Variants in COBL observed in about 807,000 individuals in gnomAD.
COBL encodes cordon-bleu WH2 repeat protein.
Under a neutral mutation model 98.8 loss-of-function variants are expected in COBL, and 51 were observed. That is an observed-to-expected ratio of 0.52 (90% CI 0.41 to 0.65). The LOEUF is 0.65. Ranked by LOEUF, COBL falls within the 30% of genes least tolerant of loss-of-function variation. COBL has a pLI of 0.00. For missense variants in COBL, 1,617 were observed against 1,617.5 expected (o/e 1.00, Z 0.01); for synonymous variants, 634 against 651.7 (o/e 0.97, Z 0.41).
At chr7:51,257,485 AAT>A (rs1429444572) in intron 1 of COBL, among the ~76,000 whole-genome samples, 1 of 152,196 alleles carries the variant, frequency 6.6e-6, no homozygotes, top group Non-Finnish European at 1.5e-5. Context: ...CGATTTTATA[AAT>A]CATGGAATTA....
At chr7:51,080,134 G>A (rs772640806) in intron 7 of COBL, among the ~76,000 whole-genome samples, 1 of 152,212 alleles carries the variant, frequency 6.6e-6, no homozygotes, top group African/African-American at 2.4e-5. Context: ...AGACCTTACA[G>A]AGGTCAGGGA....
intron 6 of COBL, among the ~76,000 whole-genome samples, chr7:51,093,102 T>C (rs1338707179): frequency 6.6e-6 from 1 of 152,156 alleles, no homozygotes; most frequent in African/African-American, 2.4e-5. Context: ...TCCATGGATT[T>C]GTTAGAAAAT....
At chr7:51,056,927 T>C (rs1309501457) in intron 7 of COBL, among the ~76,000 whole-genome samples, 1 of 152,024 alleles carries the variant, frequency 6.6e-6, no homozygotes, top group African/African-American at 2.4e-5. Flanking sequence ...TCAACCAAGA[T>C]ATTAAATGAA....
chr7:51,295,935 G>A (rs894809892), intron 1 of COBL, among the ~76,000 whole-genome samples: 2 of 152,146 alleles, frequency 1.3e-5, no homozygotes, highest in Non-Finnish European at 2.9e-5. Context: ...AGCTTGTCTG[G>A]CCTGGCTGGG....
chr7:51,134,710 G>A (rs1471474704), intron 6 of COBL, among the ~76,000 whole-genome samples: 1 of 152,120 alleles, frequency 6.6e-6, no homozygotes, highest in Non-Finnish European at 1.5e-5. Flanking sequence ...GCTGGGAAAG[G>A]CCAATGCTAT....
chr7:51,028,551 C>G lies in COBL; in HGVS notation c.2545G>C (p.Ala849Pro). 1 of 1,614,268 alleles carries G rather than the reference C, an allele frequency of 6.2e-7. No individual in the cohort carries two copies. The highest frequency in any genetic ancestry group is 8.5e-7 in the Non-Finnish European group (1 of 1,180,056). The part of the protein sequence containing the change: ...MGMGHVRVPA[A>P]HTTEVTFLKP... Reference sequence around the variant, plus strand: ...AGAAATGTGACTTCTGTGGTGTGAGCTGCTGGCACCCTCACGTGACCCATG... The same window carrying G: ...AGAAATGTGACTTCTGTGGTGTGAGGTGCTGGCACCCTCACGTGACCCATG... Residue 849 changes from alanine to proline, a missense_variant, in exon 10 of 13, where the codon GCT (alanine) becomes CCT (proline). By Grantham distance (27) the Ala-to-Pro change is conservative. Around this residue, in one of 3 missense-constraint regions of COBL, gnomAD observed 1,304 missense variants for 1,282.0 expected, o/e 1.02. Coordinates refer to ENST00000265136, the MANE Select transcript of COBL (RefSeq NM_015198.5).
chr7:51,065,631 C>T lies in COBL; in HGVS notation c.1096+19535G>A, dbSNP rs550197324. Among the ~76,000 whole-genome samples, 19 of 152,282 alleles carry T rather than the reference C, an allele frequency of 1.2e-4. No individual in the cohort carries two copies. The South Asian group carries it at 3.5e-3, about 28-fold the overall frequency. ...AGGGCCAAGCCCTGGAGTCAGAGTC[C>T]GGGTCTCCCCTGTGCATCCACCTGG... On this transcript the variant is annotated intron_variant, in intron 7 of 12. Coordinates refer to ENST00000265136, the MANE Select transcript of COBL (RefSeq NM_015198.5).
intron 2 of COBL, among the ~76,000 whole-genome samples, chr7:51,200,069 A>G (rs1326287985): frequency 6.6e-6 from 1 of 152,234 alleles, no homozygotes; most frequent in Non-Finnish European, 1.5e-5. Context: ...GAAACATTGT[A>G]AGATTTATCA....
intron 8 of COBL, among the ~76,000 whole-genome samples, chr7:51,042,300 T>G (rs1304255191): frequency 6.6e-6 from 1 of 152,222 alleles, no homozygotes; most frequent in African/African-American, 2.4e-5. Flanking sequence ...ATGTTCCATG[T>G]GTAAATAACT....
chr7:51,083,251 T>A, intron 7 of COBL: 1 of 1,437,598 alleles, frequency 7.0e-7, no homozygotes, highest in African/African-American at 1.4e-5. Flanking sequence ...AACAGGGAGT[T>A]ACTTCAGCAG....
intron 1 of COBL, among the ~76,000 whole-genome samples, chr7:51,310,299 C>T (rs1802890482): frequency 6.6e-6 from 1 of 152,176 alleles, no homozygotes; most frequent in Non-Finnish European, 1.5e-5. Context: ...CAGGATGGGC[C>T]TGCAGGCTGC....
At chr7:51,086,119 C>A (rs577902994) in intron 6 of COBL, among the ~76,000 whole-genome samples, 2 of 152,058 alleles carry the variant, frequency 1.3e-5, no homozygotes, top group African/African-American at 4.8e-5. Flanking sequence ...CTCATTAGGG[C>A]GAAAGTTTTT....
At chr7:51,057,932 A>G (rs1203867301) in intron 7 of COBL, among the ~76,000 whole-genome samples, 3 of 152,058 alleles carry the variant, frequency 2.0e-5, no homozygotes, top group African/African-American at 7.2e-5. Context: ...TATTACGGAT[A>G]CCCTCCTATG....
intron 7 of COBL, among the ~76,000 whole-genome samples, chr7:51,067,535 T>G (rs780939783): frequency 3.9e-5 from 6 of 152,226 alleles, no homozygotes; most frequent in Non-Finnish European, 7.3e-5. Context: ...TGTATGCACA[T>G]GTATGTGTGC....
chr7:51,265,329 C>T (rs1027343558), intron 1 of COBL, among the ~76,000 whole-genome samples: 13 of 152,102 alleles, frequency 8.5e-5, no homozygotes, highest in African/African-American at 2.7e-4. Flanking sequence ...GAACTGGGTT[C>T]CAGAGAAACC....
intron 1 of COBL, among the ~76,000 whole-genome samples, chr7:51,270,019 G>A (rs1297386786): frequency 6.6e-6 from 1 of 152,162 alleles, no homozygotes; most frequent in Admixed American, 6.5e-5. Context: ...GCTCTGAAAA[G>A]TTCCCAACGG....
chr7:51,300,913 G>A, intron 1 of COBL, among the ~76,000 whole-genome samples: 1 of 152,200 alleles, frequency 6.6e-6, no homozygotes, highest in South Asian at 2.1e-4. Flanking sequence ...GGATATCTGA[G>A]GTGCATGTGA....
intron 7 of COBL, chr7:51,071,129 GA>G (rs1792505884): frequency 6.6e-6 from 1 of 152,184 alleles, no homozygotes. Context: ...TCTCTAGTTA[GA>G]AAACGTGAGC....
chr7:51,224,514 T>G (rs775230367), intron 1 of COBL, among the ~76,000 whole-genome samples: 14 of 149,752 alleles, frequency 9.3e-5, no homozygotes, highest in African/African-American at 2.7e-4. Context: ...ATTTCATATA[T>G]GAGAAAAAGA....
Sources: gnomAD v4.1 joint callset for allele counts (sites outside exome capture counted in the v4.1 genomes callset) on GRCh38, gnomAD v4.1.1 for gene constraint, gnomAD v4.1.1 regional missense constraint, MANE v1.5 for transcripts, NCBI Gene and HGNC (gene_info 2026-07-23, HGNC 2026-07-21) for gene names.